The following CATSPERT variants were observed in gnomAD, a reference collection of about 807,000 sequenced individuals.
CATSPERT encodes the protein cation channel sperm-associated targeting subunit tau.
the CATSPERT span, among the ~76,000 whole-genome samples, chr2:201,515,202 G>GTTTTTTTTTTTTT: frequency 2.6e-3 from 65 of 24,672 alleles, 22 homozygotes; most frequent in Admixed American, 0.019. Flanking sequence ...TCTGCCCATA[G>GTTTTTTTTTTTTT]TTTTTTTTTT....
the CATSPERT span, among the ~76,000 whole-genome samples, chr2:201,507,731 T>C: frequency 6.6e-6 from 1 of 151,594 alleles, no homozygotes; most frequent in Admixed American, 6.6e-5. Context: ...CTGGGTAATT[T>C]ATGAAGAAAA....
chr2:201,492,017 CT>C, the CATSPERT span: 3 of 1,536,480 alleles, frequency 2.0e-6, no homozygotes, highest in Non-Finnish European at 2.6e-6. Flanking sequence ...GGTGTTTTAG[CT>C]TCTTCCTTAG....
At chr2:201,618,773 G>GTTC in the CATSPERT span, 1 of 672,070 alleles carries the variant, frequency 1.5e-6, no homozygotes, top group East Asian at 2.8e-5. Flanking sequence ...GGATTAAAGG[G>GTTC]TTCAATGTGT....
At chr2:201,591,659 C>T in the CATSPERT span, among the ~76,000 whole-genome samples, 1 of 152,150 alleles carries the variant, frequency 6.6e-6, no homozygotes, top group Non-Finnish European at 1.5e-5. Flanking sequence ...CTTTTATTTC[C>T]TTGCTCAGTA....
the CATSPERT span, chr2:201,493,741 T>G: frequency 2.0e-6 from 3 of 1,537,288 alleles, no homozygotes; most frequent in Non-Finnish European, 2.6e-6. Context: ...AGTGAATATT[T>G]GCCTCATAAT....
the CATSPERT span, among the ~76,000 whole-genome samples, chr2:201,517,793 A>G: frequency 6.6e-6 from 1 of 152,196 alleles, no homozygotes; most frequent in Non-Finnish European, 1.5e-5. Flanking sequence ...TTAGTAGCTG[A>G]GTCCAACTTG....
At chr2:201,516,351 AG>A in the CATSPERT span, among the ~76,000 whole-genome samples, 1 of 152,206 alleles carries the variant, frequency 6.6e-6, no homozygotes, top group South Asian at 2.1e-4. Flanking sequence ...AGGAGGCCTC[AG>A]GAAACTTACA....
the CATSPERT span, among the ~76,000 whole-genome samples, chr2:201,515,208 T>G: frequency 2.6e-3 from 32 of 12,342 alleles, 2 homozygotes; most frequent in Non-Finnish European, 6.6e-4. Flanking sequence ...CATAGTTTTT[T>G]TTTTTTTTTT....
At chr2:201,493,610 C>G in the CATSPERT span, 1 of 1,537,152 alleles carries the variant, frequency 6.5e-7, no homozygotes, top group Non-Finnish European at 8.7e-7. Flanking sequence ...GCATTTTCTT[C>G]ATGAAATAGA....
At chr2:201,508,439 G>GT in the CATSPERT span, among the ~76,000 whole-genome samples, 1 of 152,144 alleles carries the variant, frequency 6.6e-6, no homozygotes, top group Non-Finnish European at 1.5e-5. Context: ...TACAATTGTG[G>GT]TTTTTTTCCA....
the CATSPERT span, among the ~76,000 whole-genome samples, chr2:201,496,632 C>T: frequency 2.6e-5 from 4 of 152,168 alleles, no homozygotes; most frequent in East Asian, 1.9e-4. Context: ...CGTGAGCCAC[C>T]GCGCCCGGCC....
the CATSPERT span, among the ~76,000 whole-genome samples, chr2:201,581,525 A>ATAT: frequency 1.3e-5 from 1 of 74,944 alleles, no homozygotes; most frequent in African/African-American, 6.2e-5. Flanking sequence ...TATATATATA[A>ATAT]AATATTCTGG....
the CATSPERT span, chr2:201,491,487 T>G: frequency 6.5e-7 from 1 of 1,536,796 alleles, no homozygotes; most frequent in Admixed American, 2.0e-5. Context: ...GTATTTCTTT[T>G]TTGTATTGTG....
chr2:201,593,680 T>C, the CATSPERT span, among the ~76,000 whole-genome samples: 8 of 151,012 alleles, frequency 5.3e-5, no homozygotes, highest in Non-Finnish European at 2.9e-5. Context: ...GGTGCATATA[T>C]ATTTAGGATA....
the CATSPERT span, among the ~76,000 whole-genome samples, chr2:201,567,631 T>C: frequency 6.6e-6 from 1 of 152,202 alleles, no homozygotes; most frequent in South Asian, 2.1e-4. Flanking sequence ...GAAAAGTTAA[T>C]GTCCCAGTTC....
the CATSPERT span, chr2:201,618,957 G>C: frequency 6.2e-7 from 1 of 1,613,954 alleles, no homozygotes; most frequent in African/African-American, 1.3e-5. Context: ...GGGCCGTCGT[G>C]CCCTGGTTCA....
chr2:201,574,726 A>G, the CATSPERT span, among the ~76,000 whole-genome samples: 1 of 152,170 alleles, frequency 6.6e-6, no homozygotes, highest in East Asian at 1.9e-4. Context: ...TTGATAAAGG[A>G]GGGCATGAGA....
At chr2:201,490,742 G>C in the CATSPERT span, among the ~76,000 whole-genome samples, 6 of 152,124 alleles carry the variant, frequency 3.9e-5, no homozygotes, top group Non-Finnish European at 8.8e-5. Flanking sequence ...TGTTTGTTTT[G>C]AGACGGGGTC....
the CATSPERT span, chr2:201,547,474 T>C: frequency 8.6e-7 from 1 of 1,162,168 alleles, no homozygotes; most frequent in East Asian, 2.5e-5. Context: ...TATTAAAAGC[T>C]ATATATAGGA....
Sources: gnomAD v4.1 joint callset for allele counts (sites outside exome capture counted in the v4.1 genomes callset) on GRCh38, gnomAD v4.1.1 for gene constraint, MANE v1.5 for transcripts, NCBI Gene and HGNC (gene_info 2026-07-23, HGNC 2026-07-21) for gene names.